The following TNFSF4 variants were observed in gnomAD, a reference collection of about 807,000 sequenced individuals.
TNFSF4 encodes the protein tumor necrosis factor ligand superfamily member 4.
A neutral mutation model predicts 7.3 loss-of-function variants in TNFSF4; 4 were observed. That is an observed-to-expected ratio of 0.55 (90% CI 0.27 to 1.25). The LOEUF (loss-of-function observed/expected upper bound fraction) is 1.25, where lower values mean the gene tolerates loss of function less well. Ranked by LOEUF, TNFSF4 falls within the 50% of genes most tolerant of loss-of-function variation. The pLI, the probability that TNFSF4 is intolerant of heterozygous loss-of-function variation, is 0.12. For synonymous variants in TNFSF4, 76 were observed against 83.7 expected, an observed-to-expected ratio of 0.91 and a Z score of 0.50; for missense variants, 181 against 208.8, an observed-to-expected ratio of 0.87 and a Z score of 0.82.
At chr1:173,424,679 A>T in the TNFSF4 span, among the ~76,000 whole-genome samples, 3 of 152,266 alleles carry the variant, frequency 2.0e-5, no homozygotes, top group African/African-American at 7.2e-5. Flanking sequence ...GGTCCCACAA[A>T]AAAGAGTGAG....
the TNFSF4 span, among the ~76,000 whole-genome samples, chr1:173,240,496 G>T: frequency 6.6e-6 from 1 of 151,876 alleles, no homozygotes; most frequent in Admixed American, 6.6e-5. Context: ...ATATTTCTGA[G>T]GTCTATCCAT....
the TNFSF4 span, among the ~76,000 whole-genome samples, chr1:173,329,365 C>A: frequency 6.6e-6 from 1 of 152,050 alleles, no homozygotes; most frequent in African/African-American, 2.4e-5. Context: ...GCTGTATTGT[C>A]TAGGGAATGA....
At chr1:173,320,168 C>G in the TNFSF4 span, among the ~76,000 whole-genome samples, 3 of 152,168 alleles carry the variant, frequency 2.0e-5, no homozygotes, top group South Asian at 6.2e-4. Flanking sequence ...GGATGCAAGG[C>G]TGGTTCAACA....
At chr1:173,306,778 G>A in the TNFSF4 span, among the ~76,000 whole-genome samples, 1 of 151,842 alleles carries the variant, frequency 6.6e-6, no homozygotes. Context: ...CTCCTGTGGG[G>A]TCTCATAAGC....
chr1:173,396,776 G>A, the TNFSF4 span, among the ~76,000 whole-genome samples: 3 of 152,144 alleles, frequency 2.0e-5, no homozygotes, highest in Non-Finnish European at 2.9e-5. Context: ...ATCTTAGAGC[G>A]GATTTGTCAT....
At chr1:173,344,399 A>C in the TNFSF4 span, among the ~76,000 whole-genome samples, 1 of 152,228 alleles carries the variant, frequency 6.6e-6, no homozygotes, top group Non-Finnish European at 1.5e-5. Flanking sequence ...AAACTCTCTA[A>C]GTTTGGCTCT....
the TNFSF4 span, among the ~76,000 whole-genome samples, chr1:173,260,037 C>T: frequency 2.0e-5 from 3 of 152,078 alleles, no homozygotes; most frequent in African/African-American, 4.8e-5. Context: ...GACACATAAT[C>T]GTCAGATTCT....
the TNFSF4 span, among the ~76,000 whole-genome samples, chr1:173,264,268 C>T: frequency 6.6e-6 from 1 of 151,910 alleles, no homozygotes; most frequent in Non-Finnish European, 1.5e-5. Context: ...CCACCTCAGC[C>T]TCCCAAGTAG....
chr1:173,304,361 G>A, the TNFSF4 span, among the ~76,000 whole-genome samples: 1 of 151,892 alleles, frequency 6.6e-6, no homozygotes, highest in East Asian at 1.9e-4. Context: ...AAGGCAAGGG[G>A]ACTGGGTTGG....
At chr1:173,385,749 G>T in the TNFSF4 span, among the ~76,000 whole-genome samples, 1 of 152,148 alleles carries the variant, frequency 6.6e-6, no homozygotes, top group East Asian at 1.9e-4. Flanking sequence ...TGAGGCACGA[G>T]AATTGCTTGA....
the TNFSF4 span, among the ~76,000 whole-genome samples, chr1:173,447,301 T>C: frequency 1.3e-5 from 2 of 152,184 alleles, no homozygotes; most frequent in African/African-American, 4.8e-5. Flanking sequence ...TATGATACTA[T>C]AATGGTGGCT....
At chr1:173,174,192 T>TA in the TNFSF4 span, 2 of 152,086 alleles carry the variant, frequency 1.3e-5, no homozygotes, top group Non-Finnish European at 2.9e-5. Context: ...TCCCAATGAG[T>TA]TCCTCATCTC....
At chr1:173,414,848 G>A in the TNFSF4 span, among the ~76,000 whole-genome samples, 3 of 152,200 alleles carry the variant, frequency 2.0e-5, no homozygotes, top group South Asian at 6.2e-4. Context: ...ATGACTTTGT[G>A]AGTGCTGGCA....
At chr1:173,359,647 A>C in the TNFSF4 span, among the ~76,000 whole-genome samples, 1 of 150,924 alleles carries the variant, frequency 6.6e-6, no homozygotes, top group Non-Finnish European at 1.5e-5. Flanking sequence ...ATTTTCCTTC[A>C]TGTTTCCTTC....
upstream of TNFSF4, among the ~76,000 whole-genome samples, chr1:173,212,231 C>T (rs897559947): frequency 1.3e-5 from 2 of 152,144 alleles, no homozygotes; most frequent in Admixed American, 6.5e-5. Context: ...TTTCATGACC[C>T]AAACACTTCC....
chr1:173,356,365 T>G, the TNFSF4 span, among the ~76,000 whole-genome samples: 1 of 152,238 alleles, frequency 6.6e-6, no homozygotes, highest in Non-Finnish European at 1.5e-5. Flanking sequence ...TTGGAAAATC[T>G]TATAAACCAC....
chr1:173,377,185 C>T, the TNFSF4 span, among the ~76,000 whole-genome samples: 3 of 151,808 alleles, frequency 2.0e-5, no homozygotes. Context: ...TTGGCAACCA[C>T]AAATGTACAA....
the TNFSF4 span, among the ~76,000 whole-genome samples, chr1:173,356,201 C>A: frequency 1.3e-5 from 2 of 152,306 alleles, no homozygotes; most frequent in East Asian, 3.9e-4. Context: ...TATTCCAGGA[C>A]ACCAGACATC....
the TNFSF4 span, among the ~76,000 whole-genome samples, chr1:173,282,269 C>T: frequency 6.6e-6 from 1 of 152,094 alleles, no homozygotes; most frequent in East Asian, 1.9e-4. Context: ...CTGATCATTA[C>T]ACATTGCATA....
Sources: allele counts gnomAD v4.1 joint callset (sites outside exome capture counted in the v4.1 genomes callset), GRCh38; gene constraint gnomAD v4.1.1; transcripts MANE v1.5; gene names NCBI Gene and HGNC (gene_info 2026-07-23, HGNC 2026-07-21).